Variants in EDAR observed in about 807,000 individuals in gnomAD.
EDAR encodes tumor necrosis factor receptor superfamily member EDAR.
Under a neutral mutation model 51.3 loss-of-function variants are expected in EDAR, and 38 were observed. The ratio of observed to expected loss-of-function variants is 0.74; its 90% CI spans 0.57 to 0.97. EDAR has a LOEUF of 0.97. EDAR is among the 50% of genes least tolerant of loss of function. The pLI, the probability that EDAR is intolerant of heterozygous loss-of-function variation, is 0.00. For synonymous variants in EDAR, 227 were observed against 242.1 expected, an observed-to-expected ratio of 0.94 and a Z score of 0.58; for missense variants, 528 against 595.0, an observed-to-expected ratio of 0.89 and a Z score of 1.17.
intron 1 of EDAR, among the ~76,000 whole-genome samples, chr2:108,983,499 C>T (rs867840268): frequency 6.6e-6 from 1 of 152,150 alleles, no homozygotes; most frequent in South Asian, 2.1e-4. Flanking sequence ...GAGCATTCCC[C>T]GTGGCCTTCC....
At chr2:108,951,019 G>A (rs1674787367) in intron 1 of EDAR, among the ~76,000 whole-genome samples, 1 of 152,232 alleles carries the variant, frequency 6.6e-6, no homozygotes, top group Non-Finnish European at 1.5e-5. Context: ...GAGCACTGAT[G>A]CTTCTATATT....
intron 1 of EDAR, among the ~76,000 whole-genome samples, chr2:108,971,085 G>A (rs62151093): frequency 0.011 from 1,606 of 152,184 alleles, 13 homozygotes; most frequent in Non-Finnish European, 0.016. Flanking sequence ...TGCTCACTGG[G>A]GGATTCTTCA....
intron 1 of EDAR, among the ~76,000 whole-genome samples, chr2:108,947,539 C>T (rs1336856366): frequency 2.0e-5 from 3 of 152,204 alleles, no homozygotes; most frequent in Non-Finnish European, 4.4e-5. Context: ...CATACATACT[C>T]TGAAATCTAG....
intron 1 of EDAR, among the ~76,000 whole-genome samples, chr2:108,957,025 G>A (rs1334209480): frequency 6.6e-6 from 1 of 152,208 alleles, no homozygotes; most frequent in Non-Finnish European, 1.5e-5. Flanking sequence ...CCCGACCTCA[G>A]GTGATCTGCC....
intron 11 of EDAR, among the ~76,000 whole-genome samples, chr2:108,903,094 T>C (rs1696731505): frequency 6.6e-6 from 1 of 152,212 alleles, no homozygotes; most frequent in Non-Finnish European, 1.5e-5. Flanking sequence ...TGTATTTCTA[T>C]ATAACTAACA....
intron 9 of EDAR, among the ~76,000 whole-genome samples, chr2:108,908,891 C>T (rs1012343114): frequency 6.6e-5 from 10 of 152,030 alleles, no homozygotes; most frequent in African/African-American, 2.2e-4. Context: ...CAATGAGAAC[C>T]ATCATGAAGC....
intron 9 of EDAR, among the ~76,000 whole-genome samples, chr2:108,910,104 G>A (rs956572844): frequency 2.0e-5 from 3 of 152,228 alleles, no homozygotes; most frequent in African/African-American, 7.2e-5. Context: ...GCACCGGCAC[G>A]GGTGGTACTG....
intron 5 of EDAR, among the ~76,000 whole-genome samples, chr2:108,920,686 G>A (rs944486754): frequency 1.5e-4 from 23 of 152,170 alleles, no homozygotes; most frequent in East Asian, 7.7e-4. Context: ...TCATTACTTG[G>A]CAACCCCAGA....
chr2:108,930,773 G>A (rs895610949), intron 2 of EDAR, among the ~76,000 whole-genome samples, 191 bp downstream of exon 2: 2 of 152,190 alleles, frequency 1.3e-5, no homozygotes, highest in African/African-American at 2.4e-5. Flanking sequence ...AGCTACCAAC[G>A]AAATCAATGT....
At chr2:108,947,395 TC>T (rs910308182) in intron 1 of EDAR, among the ~76,000 whole-genome samples, 1 of 152,156 alleles carries the variant, frequency 6.6e-6, no homozygotes, top group African/African-American at 2.4e-5. Context: ...ATGGTGGTGC[TC>T]GTCTCACAGC....
chr2:108,896,100 C>A lies in EDAR; in HGVS notation c.*807G>T, dbSNP rs1457683565. 1 of 152,186 alleles carries A rather than the reference C, an allele frequency of 6.6e-6. No homozygotes were observed. The highest frequency in any genetic ancestry group is 2.4e-5 in the African/African-American group (1 of 41,428). 9.4% of individuals were successfully genotyped at this position (152,186 alleles called of 1,614,324 possible). A position where few individuals can be genotyped will look rare whatever the true frequency, so the allele number is the denominator to read the frequency against. ...ACATGTAGTGCAGACCACAGGGTTC[C>A]CAGGCCAAAGAGTAATGCAGTAAAT... On this transcript the variant is annotated 3_prime_UTR_variant, in exon 12 of 12. Transcript: ENST00000258443.
Position 108,906,436 on chromosome 2 carries a change from A to C in EDAR, c.964-68T>G, listed in dbSNP as rs2105390386. On this transcript the variant is annotated intron_variant, in intron 10 of 11. Coordinates refer to ENST00000258443, the MANE Select transcript of EDAR (RefSeq NM_022336.4). ...ACAGTAGAAAGGAGGCAAATCCTCC[A>C]TGTCAGCAGGGGCAGGCAGCAGCTA... is the stretch of plus-strand genomic sequence containing the variant. 3 of 1,548,370 alleles carry C rather than the reference A, an allele frequency of 1.9e-6. No homozygotes were observed. In the East Asian group the frequency reaches 6.7e-5, roughly 35 times the overall value.
chr2:108,979,641 C>T (rs997859599), intron 1 of EDAR, among the ~76,000 whole-genome samples: 1 of 152,130 alleles, frequency 6.6e-6, no homozygotes, highest in African/African-American at 2.4e-5. Context: ...GAAGCCCCTC[C>T]TGCCTCCCTA....
chr2:108,907,726 C>T (rs1696838295), intron 10 of EDAR, 134 bp downstream of exon 10: 1 of 1,003,394 alleles, frequency 1.0e-6, no homozygotes, highest in Non-Finnish European at 1.6e-6. Context: ...TGTCACTGTC[C>T]AGGTCTCCTA....
chr2:108,929,537 G>A (rs1697326249), intron 3 of EDAR, among the ~76,000 whole-genome samples, 158 bp from the exon 4 acceptor site: 1 of 152,192 alleles, frequency 6.6e-6, no homozygotes, highest in Admixed American at 6.5e-5. Context: ...AAACCCCCCA[G>A]GAACCAGCTC....
chr2:108,897,933 G>GC (rs1378020650), intron 11 of EDAR, among the ~76,000 whole-genome samples: 1 of 152,154 alleles, frequency 6.6e-6, no homozygotes, highest in Non-Finnish European at 1.5e-5. Flanking sequence ...ACCTTAGGAT[G>GC]GTGATGGTGG....
At position 108,910,552 on chromosome 2, in the gene EDAR, T is replaced by C. The variant is rs1057271925; in HGVS notation, c.731-20A>G. On this transcript the variant is annotated intron_variant, in intron 8 of 11. Coordinates refer to ENST00000258443, the MANE Select transcript of EDAR (RefSeq NM_022336.4). ...CGTTGTCTGCAGGGAAATGGGGAGG[T>C]TGGGGAGATAGGAGTTAGAATTGGC... 5.0e-6 allele frequency: 8 copies of C among 1,602,992 alleles called. No homozygotes were observed. The Admixed American group carries it at 1.3e-4, about 27-fold the overall frequency.
intron 5 of EDAR, among the ~76,000 whole-genome samples, chr2:108,914,041 A>G (rs1696982804): frequency 6.6e-6 from 1 of 151,912 alleles, no homozygotes; most frequent in Admixed American, 6.6e-5. Flanking sequence ...TGGGTGGATC[A>G]CTTGAGGTCA....
rs886054745 is a variant in EDAR at position 108,931,018 on chromosome 2, C to A, written c.-4G>T. ...TGCAGTCCCCCACATGGGCCATCCTCTCCCAAGGGCTCACCTGAAAGACAT... is the reference window on the plus strand; with the variant it reads ...TGCAGTCCCCCACATGGGCCATCCTATCCCAAGGGCTCACCTGAAAGACAT... On this transcript the variant is annotated 5_prime_UTR_variant, in exon 2 of 12. Transcript: ENST00000258443. 6.2e-7 allele frequency: 1 copy of A among 1,613,958 alleles called. No homozygotes were observed.
Sources: gnomAD v4.1 joint callset for allele counts (sites outside exome capture counted in the v4.1 genomes callset) on GRCh38, gnomAD v4.1.1 for gene constraint, MANE v1.5 for transcripts, NCBI Gene and HGNC (gene_info 2026-07-23, HGNC 2026-07-21) for gene names.